Variants in KAT7 observed in about 807,000 individuals in gnomAD.
KAT7 encodes lysine acetyltransferase 7, also known as histone acetyltransferase KAT7.
KAT7 carries 10 observed loss-of-function variants against 82.1 expected under a neutral mutation model. That is an observed-to-expected ratio of 0.12 (90% CI 0.08 to 0.21). KAT7 has a LOEUF of 0.21. Ranked by LOEUF, KAT7 falls within the 10% of genes least tolerant of loss-of-function variation. The pLI is 1.00. For missense variants in KAT7, 378 were observed against 760.9 expected, an observed-to-expected ratio of 0.50 and a Z score of 5.92; for synonymous variants, 250 against 262.5, an observed-to-expected ratio of 0.95 and a Z score of 0.46.
chr17:49,813,210 G>T (rs2074191793), intron 7 of KAT7, among the ~76,000 whole-genome samples: 1 of 151,882 alleles, frequency 6.6e-6, no homozygotes, highest in African/African-American at 2.4e-5. Context: ...AGTGTTTATT[G>T]TTCCCTTCTT....
chr17:49,823,372 C>A, intron 12 of KAT7, 77 bp downstream of exon 12: 1 of 808,676 alleles, frequency 1.2e-6, no homozygotes, highest in South Asian at 1.4e-5. Flanking sequence ...GTCCTGTGGT[C>A]TCTGCAATTC....
rs1370198259 is a variant in KAT7 at position 49,821,323 on chromosome 17, T to G, written c.1156-14T>G. On this transcript the variant is annotated splice_polypyrimidine_tract_variant and intron_variant, in intron 9 of 14. Coordinates refer to ENST00000259021, the MANE Select transcript of KAT7 (RefSeq NM_007067.5). ...AGGCTTTGGTTCCCTGATGTGAATTTCATTGTCTTGCAGGCCAAATGTGTG... is the reference window on the plus strand; with the variant it reads ...AGGCTTTGGTTCCCTGATGTGAATTGCATTGTCTTGCAGGCCAAATGTGTG... 1 of 1,604,974 alleles carries G rather than the reference T, an allele frequency of 6.2e-7. No individual in the cohort carries two copies. Among genetic ancestry groups the G allele is most frequent in the South Asian group, 1.1e-5 (1 of 90,328 alleles).
At chr17:49,805,815 TCTC>T (rs2074084799) in intron 5 of KAT7, among the ~76,000 whole-genome samples, 3 of 149,706 alleles carry the variant, frequency 2.0e-5, no homozygotes, top group African/African-American at 7.3e-5. Flanking sequence ...TCGGTTCTCT[TCTC>T]ATAAATCTAT....
Position 49,788,817 on chromosome 17 carries a change from G to A in KAT7, c.-18G>A. ...CGCCGCTGCCCGAATCGGAACCGTC[G>A]GGCCGCAGCCGCCGGCAATGCCGCG... is the stretch of plus-strand genomic sequence containing the variant. On this transcript the variant is annotated 5_prime_UTR_variant, in exon 1 of 15. Transcript: ENST00000259021. 1 of 1,582,894 alleles carries A rather than the reference G, an allele frequency of 6.3e-7. No homozygotes were observed. Among genetic ancestry groups the A allele is most frequent in the Non-Finnish European group, 8.6e-7 (1 of 1,164,906 alleles).
rs758612934 is a variant in KAT7 at position 49,827,518 on chromosome 17, C to A, written c.*16C>A. ...GGGCACTTAAAGTGACCTGTCATTC[C>A]GAGCCAGCGAACCCCAGCAGTAGGA... On this transcript the variant is annotated 3_prime_UTR_variant, in exon 15 of 15. Transcript: ENST00000259021. 7 of 1,464,266 alleles carry A rather than the reference C, an allele frequency of 4.8e-6. No individual in the cohort carries two copies. Among genetic ancestry groups the A allele is most frequent in the Non-Finnish European group, 5.7e-6 (6 of 1,044,088 alleles). The allele number at this position is 1,464,266 out of a possible 1,614,324, so 90.7% of individuals were successfully genotyped here. A position where few individuals can be genotyped will look rare whatever the true frequency, so the allele number is the denominator to read the frequency against.
intron 4 of KAT7, among the ~76,000 whole-genome samples, chr17:49,804,327 C>T (rs1013952122): frequency 1.0e-4 from 15 of 150,492 alleles, no homozygotes; most frequent in East Asian, 5.8e-4. Context: ...TGCAGTGAGC[C>T]GAGATCGCAT....
At chr17:49,788,961 A>T (rs1328447341) in intron 1 of KAT7, 112 bp downstream of exon 1, 1 of 1,028,506 alleles carries the variant, frequency 9.7e-7, no homozygotes, top group Non-Finnish European at 1.4e-6. Context: ...GCTCCCCCGA[A>T]CCTTGTTCAG....
At chr17:49,807,003 A>G (rs112524758) in intron 5 of KAT7, among the ~76,000 whole-genome samples, 88 of 152,340 alleles carry the variant, frequency 5.8e-4, no homozygotes, top group Non-Finnish European at 1.1e-3. Flanking sequence ...GTGTTTTTGA[A>G]GAACCTGCAT....
Position 49,826,091 on chromosome 17 carries a change from A to G in KAT7, c.1572A>G (p.Lys524=), listed in dbSNP as rs751352866. 9 of 1,614,100 alleles carry G rather than the reference A, an allele frequency of 5.6e-6. No homozygotes were observed. The highest frequency in any genetic ancestry group is 6.8e-6 in the Non-Finnish European group (8 of 1,179,930). Residue 524 remains lysine (K), a synonymous_variant, in exon 13 of 15, where the codon AAA becomes AAG. Transcript: ENST00000259021. Reference sequence around the variant, plus strand: ...TTATAAGCTATCGCAGTTACTGGAAAGAAGTACTTCTCCGCTACCTGCATA... The same window carrying G: ...TTATAAGCTATCGCAGTTACTGGAAGGAAGTACTTCTCCGCTACCTGCATA... ...LGLISYRSYW[K]EVLLRYLHNF...
chr17:49,795,104 A>T (rs995326066), intron 2 of KAT7, among the ~76,000 whole-genome samples: 35 of 152,128 alleles, frequency 2.3e-4, no homozygotes, highest in African/African-American at 8.2e-4. Context: ...TCTGAAAAAA[A>T]AATTAATTAA....
intron 4 of KAT7, among the ~76,000 whole-genome samples, chr17:49,802,131 T>G (rs919092061): frequency 6.6e-6 from 1 of 152,242 alleles, no homozygotes; most frequent in Admixed American, 6.5e-5. Context: ...ATTGATAGTT[T>G]ATAAATTATT....
intron 5 of KAT7, among the ~76,000 whole-genome samples, chr17:49,806,500 T>G (rs1281252113): frequency 6.6e-6 from 1 of 152,128 alleles, no homozygotes; most frequent in Non-Finnish European, 1.5e-5. Context: ...CTCCCATTAT[T>G]CTGGGACTAA....
intron 1 of KAT7, among the ~76,000 whole-genome samples, chr17:49,790,327 G>C (rs777281367): frequency 2.0e-5 from 3 of 152,156 alleles, no homozygotes; most frequent in African/African-American, 4.8e-5. Flanking sequence ...CTCTCTAGTA[G>C]CTGGGATTAC....
intron 1 of KAT7, among the ~76,000 whole-genome samples, chr17:49,790,988 A>G (rs2073880683): frequency 6.6e-6 from 1 of 152,238 alleles, no homozygotes; most frequent in Non-Finnish European, 1.5e-5. Flanking sequence ...ATAATTGACA[A>G]ATCCTTGCTC....
intron 7 of KAT7, chr17:49,815,048 G>C (rs1296997448): frequency 2.0e-5 from 3 of 152,188 alleles, no homozygotes. Flanking sequence ...CTCTTTCCTG[G>C]AAAGGATTCT....
At chr17:49,812,886 A>G (rs1441704587) in intron 7 of KAT7, among the ~76,000 whole-genome samples, 1 of 151,534 alleles carries the variant, frequency 6.6e-6, no homozygotes, top group Non-Finnish European at 1.5e-5. Flanking sequence ...TATTTTTAGT[A>G]GAGATGGGGT....
chr17:49,809,072 G>C lies in KAT7; in HGVS notation c.664-47G>C, dbSNP rs751230386. The C allele has an allele frequency of 2.1e-6, 3 of 1,422,666 alleles. No individual in the cohort carries two copies. In the African/African-American group the frequency reaches 4.2e-5, roughly 20 times the overall value. 88.1% of individuals were successfully genotyped at this position (1,422,666 alleles called of 1,614,324 possible). ...TTGTATTCTTATGCTTTAAGTAAAC[G>C]TAGTCTTAGAAGCAGGTGGATTTAT... On this transcript the variant is annotated intron_variant, in intron 5 of 14. Transcript: ENST00000259021.
chr17:49,833,577 GAC>G lies in KAT7; in HGVS notation c.*6078_*6079del, dbSNP rs2074440823. Reference sequence around the variant, plus strand: ...CCACTTTTGCTCTTGAAAATAAGCTGACACGTTTCCAAACGAGAAGCTTGGGC... The same window carrying G: ...CCACTTTTGCTCTTGAAAATAAGCTGACGTTTCCAAACGAGAAGCTTGGGC... On this transcript the variant is annotated 3_prime_UTR_variant, in exon 15 of 15. Transcript: ENST00000259021. 1 of 152,214 alleles carries G rather than the reference GAC, an allele frequency of 6.6e-6. No homozygotes were observed. The highest frequency in any genetic ancestry group is 1.5e-5 in the Non-Finnish European group (1 of 68,048). 9.4% of individuals were successfully genotyped at this position (152,214 alleles called of 1,614,324 possible).
In KAT7 at chr17:49,798,570, C is replaced by G. The variant is rs370176357; in HGVS notation, c.580+12C>G. 1.9e-6 allele frequency: 3 copies of G among 1,586,326 alleles called. No homozygotes were observed. Among genetic ancestry groups the G allele is most frequent in the African/African-American group, 1.3e-5 (1 of 74,212 alleles). On this transcript the variant is annotated intron_variant, in intron 4 of 14. Coordinates refer to ENST00000259021, the MANE Select transcript of KAT7 (RefSeq NM_007067.5). ...CTGTAACTCTCTAGGTCAGTGTGCC[C>G]TAGCTTCATGACATCCTTTGTTCTG... is the stretch of plus-strand genomic sequence containing the variant.
Sources: allele counts gnomAD v4.1 joint callset (sites outside exome capture counted in the v4.1 genomes callset), GRCh38; gene constraint gnomAD v4.1.1; transcripts MANE v1.5; gene names NCBI Gene and HGNC (gene_info 2026-07-23, HGNC 2026-07-21).